ZCCHC7: variants seen among roughly 807,000 people sequenced by gnomAD.
ZCCHC7 encodes the protein zinc finger CCHC domain-containing protein 7.
A neutral mutation model predicts 52.0 loss-of-function variants in ZCCHC7; 35 were observed. That is an observed-to-expected ratio of 0.67 (90% CI 0.51 to 0.89). The LOEUF (loss-of-function observed/expected upper bound fraction) is 0.89. ZCCHC7 is among the 40% of genes least tolerant of loss of function. ZCCHC7 has a pLI of 0.00. For missense variants in ZCCHC7, 574 were observed against 649.1 expected (o/e 0.88, Z 1.26); for synonymous variants, 217 against 221.5 (o/e 0.98, Z 0.18).
chr9:37,254,016 TTAGTAA>T (rs1220208748), intron 2 of ZCCHC7, among the ~76,000 whole-genome samples: 1 of 152,002 alleles, frequency 6.6e-6, no homozygotes, highest in Non-Finnish European at 1.5e-5. Flanking sequence ...CATTATTATG[TTAGTAA>T]TAGTAATATA....
chr9:37,227,529 G>T (rs1000323991), intron 2 of ZCCHC7, among the ~76,000 whole-genome samples: 1 of 152,158 alleles, frequency 6.6e-6, no homozygotes. Flanking sequence ...TACACAGACT[G>T]GAAGAGTCTT....
At chr9:37,268,629 T>C (rs1273256845) in intron 2 of ZCCHC7, among the ~76,000 whole-genome samples, 1 of 152,110 alleles carries the variant, frequency 6.6e-6, no homozygotes, top group Non-Finnish European at 1.5e-5. Flanking sequence ...GGTTTCACCG[T>C]GTTAGCCAGG....
chr9:37,269,654 A>C (rs1164599748), intron 2 of ZCCHC7, among the ~76,000 whole-genome samples: 1 of 149,682 alleles, frequency 6.7e-6, no homozygotes, highest in Admixed American at 6.7e-5. Context: ...AAACAAAAGA[A>C]GTTCTAGGCA....
chr9:37,268,433 A>AT (rs1189575446), intron 2 of ZCCHC7, among the ~76,000 whole-genome samples: 177 of 145,122 alleles, frequency 1.2e-3, no homozygotes, highest in South Asian at 4.4e-3. Flanking sequence ...CAAAATTTCT[A>AT]TTTTTTTTTT....
At chr9:37,201,345 C>T (rs1823621434) in intron 2 of ZCCHC7, among the ~76,000 whole-genome samples, 1 of 152,164 alleles carries the variant, frequency 6.6e-6, no homozygotes, top group African/African-American at 2.4e-5. Context: ...TGTATATGTG[C>T]CCTTCCACCT....
intron 2 of ZCCHC7, among the ~76,000 whole-genome samples, chr9:37,262,823 A>G (rs537111692): frequency 1.7e-4 from 26 of 152,230 alleles, no homozygotes; most frequent in East Asian, 9.7e-4. Flanking sequence ...TAGGCATTCT[A>G]TCCACCTGAG....
At chr9:37,281,342 G>A (rs1436281269) in intron 2 of ZCCHC7, among the ~76,000 whole-genome samples, 1 of 152,152 alleles carries the variant, frequency 6.6e-6, no homozygotes, top group Non-Finnish European at 1.5e-5. Context: ...TAAAAAGAGA[G>A]AAAAATACAC....
Position 37,357,207 on chromosome 9 carries a change from G to A in ZCCHC7, c.1571G>A (p.Cys524Tyr). The A allele has an allele frequency of 6.2e-7, 1 of 1,611,754 alleles. No homozygotes were observed. Among genetic ancestry groups the A allele is most frequent in the Non-Finnish European group, 8.5e-7 (1 of 1,179,456 alleles). Residue 524 changes from cysteine to tyrosine, a missense_variant, in exon 9 of 9, where the codon TGC (cysteine) becomes TAC (tyrosine). By Grantham distance (194) the Cys-to-Tyr change is radical (BLOSUM62 -2). This residue lies in a region of ZCCHC7 where 168 missense variants were observed against 171.6 expected (regional missense o/e 0.98). Transcript: ENST00000336755. Reference protein sequence around the residue: ...KRGKQKKKERCWEDDDNDNLF... With the variant: ...KRGKQKKKERYWEDDDNDNLF... ...GGCAAGCAGAAGAAAAAGGAGAGGT[G>A]CTGGGAAGATGATGACAATGATAAC...
chr9:37,257,213 C>G (rs1826634430), intron 2 of ZCCHC7, among the ~76,000 whole-genome samples: 1 of 152,040 alleles, frequency 6.6e-6, no homozygotes, highest in South Asian at 2.1e-4. Context: ...AACACAGATT[C>G]TTTTCCAGGC....
chr9:37,334,004 C>T (rs1830548751), intron 6 of ZCCHC7: 1 of 151,734 alleles, frequency 6.6e-6, no homozygotes, highest in African/African-American at 2.4e-5. Flanking sequence ...CTTAGATTTT[C>T]CAAAATTAAT....
At chr9:37,217,132 T>C (rs1824548389) in intron 2 of ZCCHC7, among the ~76,000 whole-genome samples, 1 of 152,146 alleles carries the variant, frequency 6.6e-6, no homozygotes, top group African/African-American at 2.4e-5. Context: ...GGTTATGTTT[T>C]ATAGTTAGAA....
intron 2 of ZCCHC7, among the ~76,000 whole-genome samples, chr9:37,203,502 G>A (rs1823743588): frequency 1.3e-5 from 2 of 152,200 alleles, no homozygotes; most frequent in Non-Finnish European, 2.9e-5. Context: ...TCCCCGCCCT[G>A]TGTTTATGTG....
chr9:37,251,585 C>A (rs1826331177), intron 2 of ZCCHC7, among the ~76,000 whole-genome samples: 1 of 152,146 alleles, frequency 6.6e-6, no homozygotes. Context: ...AGAGGGCTCC[C>A]TTAATAGGAG....
chr9:37,249,498 G>A (rs569858851), intron 2 of ZCCHC7, among the ~76,000 whole-genome samples: 3 of 124,512 alleles, frequency 2.4e-5, no homozygotes, highest in African/African-American at 3.3e-5. Flanking sequence ...TTTAGACAGC[G>A]TCTTGCCCTG....
intron 8 of ZCCHC7, among the ~76,000 whole-genome samples, chr9:37,355,427 A>C (rs1378131571): frequency 6.6e-6 from 1 of 152,128 alleles, no homozygotes; most frequent in Non-Finnish European, 1.5e-5. Context: ...AAAACAAAAC[A>C]GTTCTGTATT....
At chr9:37,314,327 C>T (rs1381881806) in intron 5 of ZCCHC7, among the ~76,000 whole-genome samples, 2 of 151,880 alleles carry the variant, frequency 1.3e-5, no homozygotes, top group African/African-American at 4.9e-5. Context: ...GACTGACTTA[C>T]TCTTCAGTCC....
intron 2 of ZCCHC7, among the ~76,000 whole-genome samples, chr9:37,133,066 G>A (rs1236694931): frequency 1.3e-5 from 2 of 152,128 alleles, no homozygotes; most frequent in East Asian, 1.9e-4. Flanking sequence ...CCTGGGAGAC[G>A]GAGGTTGCAG....
intron 2 of ZCCHC7, among the ~76,000 whole-genome samples, chr9:37,228,113 A>G (rs958562708): frequency 6.6e-6 from 1 of 152,108 alleles, no homozygotes; most frequent in African/African-American, 2.4e-5. Flanking sequence ...TCTTTATACT[A>G]AGTTATTGAA....
intron 2 of ZCCHC7, among the ~76,000 whole-genome samples, chr9:37,226,517 G>C (rs1370887133): frequency 6.6e-6 from 1 of 152,198 alleles, no homozygotes; most frequent in Non-Finnish European, 1.5e-5. Flanking sequence ...GTGAAGATTA[G>C]TATGTAGATG....
Sources: gnomAD v4.1 joint callset for allele counts (sites outside exome capture counted in the v4.1 genomes callset) on GRCh38, gnomAD v4.1.1 for gene constraint, gnomAD v4.1.1 regional missense constraint, MANE v1.5 for transcripts, NCBI Gene and HGNC (gene_info 2026-07-23, HGNC 2026-07-21) for gene names.